The following AGBL1 variants were observed in gnomAD, a reference collection of about 807,000 sequenced individuals.
The protein encoded by AGBL1 is AGBL carboxypeptidase 1, also known as cytosolic carboxypeptidase 4.
In AGBL1, 130 loss-of-function variants were observed where a neutral mutation model predicts 118.9. That is an observed-to-expected ratio of 1.09 (90% CI 0.95 to 1.26). The LOEUF is 1.26. AGBL1 is among the 50% of genes most tolerant of loss of function. AGBL1 has a pLI of 0.00. For synonymous variants in AGBL1, 555 were observed against 478.9 expected (o/e 1.16, Z -2.08); for missense variants, 1,584 against 1,298.1 (o/e 1.22, Z -3.38).
chr15:86,545,955 C>G (rs1025551472), intron 19 of AGBL1, 47 bp from the exon 20 acceptor site: 2 of 1,591,004 alleles, frequency 1.3e-6, no homozygotes, highest in Non-Finnish European at 8.6e-7. Flanking sequence ...TTTAAGAAAC[C>G]AATGACCTGA....
intron 24 of AGBL1, among the ~76,000 whole-genome samples, chr15:87,018,486 C>A (rs2081629832): frequency 6.6e-6 from 1 of 151,902 alleles, no homozygotes. Flanking sequence ...AATTTCCAAC[C>A]CAGAAATTTA....
intron 22 of AGBL1, among the ~76,000 whole-genome samples, chr15:86,836,385 T>A (rs1360936847): frequency 6.6e-6 from 1 of 152,180 alleles, no homozygotes; most frequent in Non-Finnish European, 1.5e-5. Context: ...TTCAGAGGTA[T>A]TAGCGTACCA....
In AGBL1 at chr15:86,912,892, G is replaced by A. The variant is rs994070928; in HGVS notation, c.*5598G>A. ...TGCATAGTAGCCTGGTGCCCACCAG[G>A]AGGGCTTTTCTGGGCAAAAATAATT... On this transcript the variant is annotated 3_prime_UTR_variant, in exon 23 of 23. Transcript: ENST00000614907. 2.6e-5 allele frequency: 4 copies of A among 152,184 alleles called. No individual in the cohort carries two copies. Among genetic ancestry groups the A allele is most frequent in the African/African-American group, 9.6e-5 (4 of 41,452 alleles). The allele number at this position is 152,184 out of a possible 1,614,324, so 9.4% of individuals were successfully genotyped here. A position where few individuals can be genotyped will look rare whatever the true frequency, so the allele number is the denominator to read the frequency against.
At chr15:86,813,643 G>C (rs537816049) in intron 22 of AGBL1, among the ~76,000 whole-genome samples, 1 of 152,082 alleles carries the variant, frequency 6.6e-6, no homozygotes, top group Non-Finnish European at 1.5e-5. Context: ...CTCATTTCTC[G>C]TGGGTGGCAG....
chr15:86,715,124 C>T (rs1256237416), intron 22 of AGBL1, among the ~76,000 whole-genome samples: 1 of 152,086 alleles, frequency 6.6e-6, no homozygotes, highest in Admixed American at 6.6e-5. Context: ...ATTGACCTGG[C>T]CCAGCAACTT....
At chr15:86,618,375 C>T (rs1444999748) in intron 21 of AGBL1, among the ~76,000 whole-genome samples, 1 of 152,144 alleles carries the variant, frequency 6.6e-6, no homozygotes, top group African/African-American at 2.4e-5. Context: ...CCTGATGACA[C>T]CAGCAGGTCT....
At chr15:86,170,886 A>C (rs769419227) in intron 5 of AGBL1, among the ~76,000 whole-genome samples, 1 of 44,818 alleles carries the variant, frequency 2.2e-5, no homozygotes, top group Non-Finnish European at 3.3e-5. Flanking sequence ...AACCAATGAC[A>C]AAAAAAAAAA....
At chr15:86,894,638 A>T (rs9302343) in intron 22 of AGBL1, among the ~76,000 whole-genome samples, 5,143 of 152,276 alleles carry the variant, frequency 0.034, 281 homozygotes, top group African/African-American at 0.12. Flanking sequence ...TTTGGTATCT[A>T]TTAAGTATTC....
intron 23 of AGBL1, among the ~76,000 whole-genome samples, chr15:86,979,918 T>C (rs2081212970): frequency 6.6e-6 from 1 of 152,152 alleles, no homozygotes; most frequent in South Asian, 2.1e-4. Context: ...GAGAGAAATC[T>C]ACCAAGTGAT....
At chr15:86,545,085 G>T (rs2083561446) in intron 19 of AGBL1, among the ~76,000 whole-genome samples, 1 of 152,116 alleles carries the variant, frequency 6.6e-6, no homozygotes, top group Non-Finnish European at 1.5e-5. Flanking sequence ...CGTTTGCCAC[G>T]CTTCAGTAGA....
chr15:86,667,504 CTG>C lies in AGBL1; in HGVS notation c.2995-6767_2995-6766del, dbSNP rs558819660. On this transcript the variant is annotated intron_variant, in intron 21 of 22. Transcript: ENST00000614907. The stretch of plus-strand genomic sequence containing the variant: ...TCAAAATTATTTATATCTTGCTCCA[CTG>C]TCTTAGGTATTAGTAGTATGAATAA... Among the ~76,000 whole-genome samples, 7 of 152,256 alleles carry C rather than the reference CTG, an allele frequency of 4.6e-5. No individual in the cohort carries two copies. The South Asian group carries it at 1.5e-3, about 32-fold the overall frequency.
At chr15:86,612,570 C>T (rs549735892) in intron 21 of AGBL1, among the ~76,000 whole-genome samples, 5 of 152,172 alleles carry the variant, frequency 3.3e-5, no homozygotes, top group Non-Finnish European at 7.4e-5. Flanking sequence ...AAGAAAATAC[C>T]GAATTCCAAC....
intron 21 of AGBL1, among the ~76,000 whole-genome samples, chr15:86,636,382 A>G (rs2085083684): frequency 6.6e-6 from 1 of 152,050 alleles, no homozygotes; most frequent in South Asian, 2.1e-4. Flanking sequence ...GGACAATTTT[A>G]CAGGAGTAAT....
At chr15:86,322,966 A>G (rs1212607483) in intron 17 of AGBL1, among the ~76,000 whole-genome samples, 1 of 152,008 alleles carries the variant, frequency 6.6e-6, no homozygotes. Flanking sequence ...TAAATTTTCC[A>G]CTGTGGACAA....
chr15:87,024,582 C>T (rs1045217673), intron 24 of AGBL1, among the ~76,000 whole-genome samples: 3 of 151,992 alleles, frequency 2.0e-5, no homozygotes, highest in African/African-American at 7.2e-5. Context: ...TGCTACCAAT[C>T]CGATTGACAC....
At chr15:86,346,184 C>T (rs1057379312) in intron 17 of AGBL1, among the ~76,000 whole-genome samples, 9 of 151,596 alleles carry the variant, frequency 5.9e-5, no homozygotes, top group South Asian at 4.2e-4. Context: ...GGTTTCACCA[C>T]GTTGGCCAGG....
chr15:86,396,119 A>G (rs2081356941), intron 17 of AGBL1, among the ~76,000 whole-genome samples: 2 of 141,740 alleles, frequency 1.4e-5, no homozygotes, highest in Non-Finnish European at 3.0e-5. Context: ...GTGTGTGTAT[A>G]TATAAAATCA....
At chr15:86,963,492 C>G in intron 23 of AGBL1, among the ~76,000 whole-genome samples, 1 of 151,852 alleles carries the variant, frequency 6.6e-6, no homozygotes, top group African/African-American at 2.4e-5. Context: ...ATCTAGTATA[C>G]TGGATGAATT....
intron 1 of AGBL1, among the ~76,000 whole-genome samples, chr15:86,134,008 C>T (rs1277791780): frequency 2.0e-5 from 3 of 152,190 alleles, no homozygotes; most frequent in African/African-American, 7.2e-5. Flanking sequence ...CCATAGTCTT[C>T]TAAAACACTT....
Sources: allele counts gnomAD v4.1 joint callset (sites outside exome capture counted in the v4.1 genomes callset), GRCh38; gene constraint gnomAD v4.1.1; transcripts MANE v1.5; gene names NCBI Gene and HGNC (gene_info 2026-07-23, HGNC 2026-07-21).